Variants in REPS1 observed in about 807,000 individuals in gnomAD.
REPS1 encodes RALBP1 associated Eps domain containing 1, also known as ralBP1-associated Eps domain-containing protein 1.
Under a neutral mutation model 100.9 loss-of-function variants are expected in REPS1, and 39 were observed. The ratio of observed to expected loss-of-function variants is 0.39; its 90% CI spans 0.30 to 0.50. The LOEUF is 0.50. REPS1 is among the 20% of genes least tolerant of loss of function. The pLI is 0.86. For synonymous variants in REPS1, 324 were observed against 340.3 expected, an observed-to-expected ratio of 0.95 and a Z score of 0.53; for missense variants, 821 against 968.5, an observed-to-expected ratio of 0.85 and a Z score of 2.02.
Position 138,943,923 on chromosome 6 carries a change from T to C in REPS1, c.846A>G (p.Thr282=). ...SSSYDDPWKI[T]DEQRQYYVNQ... ...TTACATAATACTGTCTTTGTTCATC[T>C]GTTATTTTCCAGGGATCATCATAAC... The change falls in exon 6 of 20, where the codon ACA becomes ACG. Residue 282 remains threonine, a synonymous_variant. Transcript: ENST00000450536. 1.9e-6 allele frequency: 3 copies of C among 1,613,760 alleles called. No individual in the cohort carries two copies. Among genetic ancestry groups the C allele is most frequent in the Non-Finnish European group, 2.5e-6 (3 of 1,179,700 alleles).
chr6:138,932,263 T>C lies in REPS1; in HGVS notation c.1136-2165A>G, dbSNP rs1391983938. ...TACTTTACCGCTATTTCAATAGAGT[T>C]ATTTTCCTAGAGTTGTAGACCTCAA... On this transcript the variant is annotated intron_variant, in intron 8 of 19. Transcript: ENST00000450536. 2.6e-5 allele frequency among the ~76,000 whole-genome samples: 4 copies of C among 151,370 alleles called. No homozygotes were observed. The Admixed American group carries it at 2.7e-4, about 10-fold the overall frequency.
chr6:138,979,868 A>G (rs1784837168), intron 1 of REPS1, among the ~76,000 whole-genome samples: 1 of 152,120 alleles, frequency 6.6e-6, no homozygotes. Context: ...CTTAAGTATC[A>G]CTAACATAGT....
chr6:138,950,912 C>T (rs1181246244), intron 1 of REPS1: 6 of 152,106 alleles, frequency 3.9e-5, no homozygotes, highest in African/African-American at 1.2e-4. Flanking sequence ...CTCTTAAGGC[C>T]GGGCGCGGCA....
intron 1 of REPS1, among the ~76,000 whole-genome samples, chr6:138,974,686 T>C (rs1274403661): frequency 6.6e-6 from 1 of 152,104 alleles, no homozygotes; most frequent in Non-Finnish European, 1.5e-5. Flanking sequence ...AGGTCTTAAG[T>C]GAAAACAGAA....
intron 19 of REPS1, 174 bp downstream of exon 19, chr6:138,907,311 AAAGTGTGTGT>A: frequency 1.4e-5 from 2 of 143,760 alleles, no homozygotes; most frequent in Non-Finnish European, 1.3e-5. Flanking sequence ...AAAAAAAAAA[AAAGTGTGTGT>A]GTGTGTGTGT....
chr6:138,953,516 A>ACAAAC (rs1783176653), intron 1 of REPS1, among the ~76,000 whole-genome samples: 1 of 152,030 alleles, frequency 6.6e-6, no homozygotes. Context: ...ACAAAACAAA[A>ACAAAC]CTGATTTTTA....
intron 18 of REPS1, 94 bp from the exon 19 acceptor site, chr6:138,907,694 G>T: frequency 1.3e-6 from 1 of 766,602 alleles, no homozygotes. Flanking sequence ...AACATGAGAA[G>T]CAAAAAGAGC....
chr6:138,944,195 GAGT>G (rs1452127075), intron 5 of REPS1, among the ~76,000 whole-genome samples, 180 bp from the exon 6 acceptor site: 3 of 152,148 alleles, frequency 2.0e-5, no homozygotes, highest in Non-Finnish European at 4.4e-5. Context: ...TTATAGAAAC[GAGT>G]AGAATGACAG....
At chr6:138,905,906 A>G (rs1779615862) in intron 19 of REPS1, among the ~76,000 whole-genome samples, 1 of 152,236 alleles carries the variant, frequency 6.6e-6, no homozygotes, top group Admixed American at 6.5e-5. Flanking sequence ...CTTTTCAGTT[A>G]GCCACCATAT....
chr6:138,909,011 C>T, intron 17 of REPS1, 195 bp from the exon 18 acceptor site: 1 of 548,602 alleles, frequency 1.8e-6, no homozygotes, highest in South Asian at 2.2e-5. Context: ...GTTGACACCA[C>T]AATCATGAAT....
intron 1 of REPS1, among the ~76,000 whole-genome samples, chr6:138,974,692 C>T (rs1434558545): frequency 2.0e-5 from 3 of 152,100 alleles, no homozygotes; most frequent in Non-Finnish European, 4.4e-5. Context: ...TAAGTGAAAA[C>T]AGAAACCGAA....
intron 10 of REPS1, among the ~76,000 whole-genome samples, chr6:138,924,234 ATATT>A (rs1278989798): frequency 1.3e-5 from 2 of 152,210 alleles, no homozygotes; most frequent in Non-Finnish European, 2.9e-5. Flanking sequence ...ATAAACATAA[ATATT>A]TAAGAATGAC....
At chr6:138,942,961 TGGTCTCAAACTCCTGAGCTCA>T (rs1782365610) in intron 7 of REPS1, among the ~76,000 whole-genome samples, 1 of 152,214 alleles carries the variant, frequency 6.6e-6, no homozygotes, top group South Asian at 2.1e-4. Context: ...TTGCCCAGGC[TGGTCTCAAACTCCTGAGCTCA>T]GGTAATCCAC....
At chr6:138,914,659 T>C (rs1780233646) in intron 15 of REPS1, 38 bp downstream of exon 15, 1 of 1,510,536 alleles carries the variant, frequency 6.6e-7, no homozygotes, top group Admixed American at 1.7e-5. Flanking sequence ...GGCAAAGTGA[T>C]CATGGGACAT....
chr6:138,943,213 A>G (rs750252967), intron 7 of REPS1, among the ~76,000 whole-genome samples: 29 of 152,236 alleles, frequency 1.9e-4, no homozygotes, highest in Non-Finnish European at 4.1e-4. Flanking sequence ...TAAAAAACCA[A>G]TGGGATAAAT....
intron 17 of REPS1, among the ~76,000 whole-genome samples, chr6:138,909,682 C>T (rs1197077160): frequency 1.3e-5 from 2 of 152,150 alleles, no homozygotes; most frequent in Non-Finnish European, 2.9e-5. Context: ...AATGGTTTTA[C>T]AGTGAGGCAC....
intron 8 of REPS1, chr6:138,934,192 T>C (rs989822431): frequency 2.0e-5 from 7 of 358,012 alleles, no homozygotes; most frequent in African/African-American, 1.3e-4. Context: ...AGACTGTATT[T>C]TTCCGGAGGC....
At chr6:138,924,904 G>A (rs727530) in intron 10 of REPS1, among the ~76,000 whole-genome samples, 13,418 of 152,152 alleles carry the variant, frequency 0.088, 1,233 homozygotes, top group African/African-American at 0.23. Context: ...AAGAAATGAG[G>A]AGCAAAAGGC....
At position 138,907,959 on chromosome 6, in the gene REPS1, C is replaced by T. The variant is rs1458275924; in HGVS notation, c.2217-359G>A. On this transcript the variant is annotated intron_variant, in intron 18 of 19. Coordinates refer to ENST00000450536, the MANE Select transcript of REPS1 (RefSeq NM_001286611.2). The stretch of plus-strand genomic sequence containing the variant: ...GTCTCATATTCTAGTTTTTTGTTTT[C>T]TTTTCTCTTCTATTTTTTCTTCTCT... 2.0e-5 allele frequency among the ~76,000 whole-genome samples: 3 copies of T among 151,730 alleles called. No homozygotes were observed. The East Asian group carries it at 5.8e-4, about 29-fold the overall frequency.
Sources: allele counts gnomAD v4.1 joint callset (sites outside exome capture counted in the v4.1 genomes callset), GRCh38; gene constraint gnomAD v4.1.1; transcripts MANE v1.5; gene names NCBI Gene and HGNC (gene_info 2026-07-23, HGNC 2026-07-21).